ACP3: variants seen among roughly 807,000 people sequenced by gnomAD.
ACP3 encodes the protein prostatic acid phosphatase.
ACP3 carries 38 observed loss-of-function variants against 45.6 expected under a neutral mutation model. The observed-to-expected ratio is 0.83, with a 90% CI of 0.64 to 1.09. The LOEUF (loss-of-function observed/expected upper bound fraction) is 1.09, where lower values mean the gene tolerates loss of function less well. ACP3 is among the 50% of genes least tolerant of loss of function. The pLI is 0.00. For missense variants in ACP3, 466 were observed against 463.2 expected (o/e 1.01, Z -0.05); for synonymous variants, 162 against 164.7 (o/e 0.98, Z 0.13).
intron 4 of ACP3, 113 bp from the exon 5 acceptor site, chr3:132,337,343 G>A: frequency 1.6e-6 from 1 of 623,232 alleles, no homozygotes; most frequent in Non-Finnish European, 2.8e-6. Context: ...AAACACATTT[G>A]AATCTTTTAT....
chr3:132,357,131 A>T lies in ACP3; in HGVS notation c.*253A>T. 1 of 1,187,244 alleles carries T rather than the reference A, an allele frequency of 8.4e-7. No individual in the cohort carries two copies. Among genetic ancestry groups the T allele is most frequent in the South Asian group, 2.5e-5 (1 of 39,934 alleles). The allele number at this position is 1,187,244 out of a possible 1,614,324, so 73.5% of individuals were successfully genotyped here. On this transcript the variant is annotated 3_prime_UTR_variant, in exon 10 of 10. Transcript: ENST00000336375. ...TAAAGGGGCAGCAGTGCCAAAATAT[A>T]ATCAGAGATAAAGCTTAGGTCAAAG...
In ACP3 at chr3:132,332,211, A is replaced by G; in HGVS notation, c.323A>G (p.Asp108Gly). 1 of 1,614,120 alleles carries G rather than the reference A, an allele frequency of 6.2e-7. No individual in the cohort carries two copies. Among genetic ancestry groups the G allele is most frequent in the African/African-American group, 1.3e-5 (1 of 75,034 alleles). The change falls in exon 4 of 10, where the codon GAC becomes GGC. Residue 108 changes from aspartate (D) to glycine (G), a missense_variant. Transcript: ENST00000336375. Reference sequence around the variant, plus strand: ...CTCTAGGTTTATATTCGAAGCACAGACGTTGACCGGACTTTGATGAGTGCT... The same window carrying G: ...CTCTAGGTTTATATTCGAAGCACAGGCGTTGACCGGACTTTGATGAGTGCT... ...KHEQVYIRST[D>G]VDRTLMSAMT...
chr3:132,353,483 G>T (rs916831993), intron 9 of ACP3, among the ~76,000 whole-genome samples: 1 of 152,340 alleles, frequency 6.6e-6, no homozygotes, highest in East Asian at 1.9e-4. Context: ...TTTATCTGCT[G>T]TGACAACGAC....
At chr3:132,349,445 A>T (rs1266042836) in intron 7 of ACP3, among the ~76,000 whole-genome samples, 2 of 152,242 alleles carry the variant, frequency 1.3e-5, no homozygotes, top group East Asian at 3.8e-4. Context: ...TCTGACTGCC[A>T]GAGAGTAGAA....
In ACP3 at chr3:132,332,272, T is replaced by C. The variant is rs144823139; in HGVS notation, c.384T>C (p.Gly128=). ...TNLAALFPPE[G]VSIWNPILLW... ...TGGCAGCCCTGTTTCCCCCAGAAGG[T>C]GTCAGCATCTGGAATCCTATCCTAC... Residue 128 remains glycine (G), a synonymous_variant, in exon 4 of 10, where the codon GGT becomes GGC. Coordinates refer to ENST00000336375, the MANE Select transcript of ACP3 (RefSeq NM_001099.5). The C allele has an allele frequency of 4.9e-4, 783 of 1,614,096 alleles. 6 individuals are homozygous for C. In the East Asian group the frequency reaches 0.014, roughly 28 times the overall value.
chr3:132,357,753 G>T lies in ACP3; in HGVS notation c.*875G>T, dbSNP rs1937941586. ...ATGTTGACTCTAAAGTTGATTTAAG[G>T]CCAGGCATGGTGGTTTACGCCTATA... is the stretch of plus-strand genomic sequence containing the variant. On this transcript the variant is annotated 3_prime_UTR_variant, in exon 10 of 10. Coordinates refer to ENST00000336375, the MANE Select transcript of ACP3 (RefSeq NM_001099.5). 2.0e-6 allele frequency: 2 copies of T among 985,172 alleles called. No homozygotes were observed. Among genetic ancestry groups the T allele is most frequent in the Non-Finnish European group, 2.4e-6 (2 of 829,852 alleles). The allele number at this position is 985,172 out of a possible 1,614,324, so 61.0% of individuals were successfully genotyped here.
chr3:132,328,960 A>G (rs924799285), intron 2 of ACP3, among the ~76,000 whole-genome samples: 1 of 152,222 alleles, frequency 6.6e-6, no homozygotes, highest in Admixed American at 6.5e-5. Flanking sequence ...AAGTGCTGAT[A>G]TCAGAATATG....
At position 132,337,721 on chromosome 3, in the gene ACP3, C is replaced by T. The variant is rs77033006; in HGVS notation, c.555+167C>T. The stretch of plus-strand genomic sequence containing the variant: ...TAGAATATTTAATGAGGGAGGTCAT[C>T]ACTCCTGCTTCCCTTCCCCATACAG... On this transcript the variant is annotated intron_variant, in intron 5 of 9. Transcript: ENST00000336375. Among the ~76,000 whole-genome samples, 8 of 152,330 alleles carry T rather than the reference C, an allele frequency of 5.3e-5. No individual in the cohort carries two copies. In the East Asian group the frequency reaches 1.5e-3, roughly 29 times the overall value.
downstream of ACP3, among the ~76,000 whole-genome samples, chr3:132,361,060 A>G (rs1375543460): frequency 6.6e-6 from 1 of 152,242 alleles, no homozygotes; most frequent in Non-Finnish European, 1.5e-5. Flanking sequence ...TAGAGACCCA[A>G]TCATTGGCCA....
rs141651710 is a variant in ACP3, at chr3:132,343,646, TCTC to T, written c.648+1006_648+1008del. Among the ~76,000 whole-genome samples the T allele has an allele frequency of 4.1e-3, 627 of 152,282 alleles. 8 individuals carry two copies. The highest frequency in any genetic ancestry group is 0.014 in the African/African-American group (592 of 41,540). ...TCCTCTGTAGGTCACTCCACTTTGGTCTCCTCTTTCACGAACTCACTTTCTCTC... is the reference window on the plus strand; with the variant it reads ...TCCTCTGTAGGTCACTCCACTTTGGTCTCTTTCACGAACTCACTTTCTCTC... On this transcript the variant is annotated intron_variant, in intron 6 of 9. Transcript: ENST00000336375.
At chr3:132,347,844 T>TAC (rs112045628) in intron 7 of ACP3, among the ~76,000 whole-genome samples, 45,673 of 144,844 alleles carry the variant, frequency 0.32, 7,031 homozygotes, top group East Asian at 0.33. Context: ...CACACACACA[T>TAC]ACACACACAC....
intron 9 of ACP3, 66 bp downstream of exon 9, chr3:132,352,889 G>C: frequency 8.3e-7 from 1 of 1,204,586 alleles, no homozygotes; most frequent in Non-Finnish European, 1.2e-6. Context: ...TATTATTTTG[G>C]GTTAAGGGTT....
chr3:132,328,426 C>A, intron 2 of ACP3, 64 bp downstream of exon 2: 2 of 1,426,100 alleles, frequency 1.4e-6, no homozygotes, highest in Non-Finnish European at 2.0e-6. Flanking sequence ...CGCCTGTAAT[C>A]CCAGCACTTT....
chr3:132,342,599 C>T lies in ACP3; in HGVS notation c.603C>T (p.Asp201=), dbSNP rs890320216. 2.5e-6 allele frequency: 4 copies of T among 1,612,344 alleles called. No individual in the cohort carries two copies. In the African/African-American group the frequency reaches 4.0e-5, roughly 16 times the overall value. ...AACTTTCAGGATTACATGGCCAGGA[C>T]CTTTTTGGAATTTGGAGTAAAGTCT... ...LGKLSGLHGQ[D]LFGIWSKVYD... is the part of the protein sequence containing the mutation. The change falls in exon 6 of 10, where the codon GAC becomes GAT. Residue 201 remains aspartate (D), a synonymous_variant. Coordinates refer to ENST00000336375, the MANE Select transcript of ACP3 (RefSeq NM_001099.5).
At position 132,317,513 on chromosome 3, in the gene ACP3, G is replaced by C; in HGVS notation, c.57G>C (p.Leu19Phe). Residue 19 changes from leucine to phenylalanine, a missense_variant, in exon 1 of 10, where the codon TTG becomes TTC. By Grantham distance (22) the Leu-to-Phe change is conservative (BLOSUM62 0). Transcript: ENST00000336375. ...CAGCAAGCCTTAGCCTTGGCTTCTT[G>C]TTTCTGCTTTTTTTCTGGCTAGACC... ...ARAASLSLGF[L>F]FLLFFWLDRS... 1 of 1,613,756 alleles carries C rather than the reference G, an allele frequency of 6.2e-7. No individual in the cohort carries two copies.
chr3:132,318,399 T>C (rs1026968868), intron 1 of ACP3, among the ~76,000 whole-genome samples: 1 of 152,104 alleles, frequency 6.6e-6, no homozygotes, highest in African/African-American at 2.4e-5. Context: ...ATAGTGAAAG[T>C]GGGCTGATAA....
downstream of ACP3, among the ~76,000 whole-genome samples, chr3:132,359,249 A>T (rs1359341013): frequency 1.3e-5 from 2 of 152,234 alleles, no homozygotes; most frequent in Non-Finnish European, 2.9e-5. Context: ...GAGGTGGCTC[A>T]GGCCTGTAAT....
At chr3:132,322,380 T>G (rs2107792212) in intron 1 of ACP3, among the ~76,000 whole-genome samples, 1 of 152,328 alleles carries the variant, frequency 6.6e-6, no homozygotes, top group South Asian at 2.1e-4. Flanking sequence ...TCATTTACAT[T>G]ACTCAATTAT....
At chr3:132,329,739 A>G (rs965509915) in intron 2 of ACP3, among the ~76,000 whole-genome samples, 3 of 152,118 alleles carry the variant, frequency 2.0e-5, no homozygotes, top group Admixed American at 2.0e-4. Context: ...TTCCATGTGC[A>G]AATGAATCAC....
Sources: gnomAD v4.1 joint callset for allele counts (sites outside exome capture counted in the v4.1 genomes callset) on GRCh38, gnomAD v4.1.1 for gene constraint, MANE v1.5 for transcripts, NCBI Gene and HGNC (gene_info 2026-07-23, HGNC 2026-07-21) for gene names.